The following FBXO31 variants were observed in gnomAD, a reference collection of about 807,000 sequenced individuals.
The protein encoded by FBXO31 is F-box protein 31.
Under a neutral mutation model 54.4 loss-of-function variants are expected in FBXO31, and 24 were observed. The ratio of observed to expected loss-of-function variants is 0.44; its 90% confidence interval spans 0.32 to 0.62. The LOEUF is 0.62. FBXO31 is among the 20% of genes least tolerant of loss of function. The pLI, the probability that FBXO31 is intolerant of heterozygous loss-of-function variation, is 0.05. For missense variants in FBXO31, 665 were observed against 787.1 expected, an observed-to-expected ratio of 0.84 and a Z score of 1.86; for synonymous variants, 388 against 335.6, an observed-to-expected ratio of 1.16 and a Z score of -1.71.
chr16:87,372,617 G>A (rs1219741897), intron 1 of FBXO31, among the ~76,000 whole-genome samples: 3 of 152,156 alleles, frequency 2.0e-5, no homozygotes, highest in Non-Finnish European at 2.9e-5. Context: ...CTGGAGTGCA[G>A]TGGTAAGATC....
intron 5 of FBXO31, among the ~76,000 whole-genome samples, chr16:87,339,030 T>C (rs1905115267): frequency 6.6e-6 from 1 of 152,228 alleles, no homozygotes; most frequent in Non-Finnish European, 1.5e-5. Context: ...AAGATGCGCC[T>C]TTCGCCTTCC....
chr16:87,336,330 G>A lies in FBXO31; in HGVS notation c.733-66C>T, dbSNP rs1853451646. The A allele has an allele frequency of 7.1e-7, 1 of 1,415,096 alleles. No individual in the cohort carries two copies. Among genetic ancestry groups the A allele is most frequent in the African/African-American group, 1.4e-5 (1 of 71,402 alleles). 87.7% of individuals were successfully genotyped at this position (1,415,096 alleles called of 1,614,324 possible). Reference sequence around the variant, plus strand: ...AGGCTGTGAAGAGGCTGCCGGCTGTGCCGCTGAGAGGACACAGTGTGTCCT... The same window carrying A: ...AGGCTGTGAAGAGGCTGCCGGCTGTACCGCTGAGAGGACACAGTGTGTCCT... On this transcript the variant is annotated intron_variant, in intron 5 of 8. Coordinates refer to ENST00000311635, the MANE Select transcript of FBXO31 (RefSeq NM_024735.5). The surrounding 1 kb of genome is among the most constrained non-coding windows in gnomAD (Gnocchi z 6.5).
chr16:87,361,293 A>G lies in FBXO31; in HGVS notation c.341-927T>C, dbSNP rs116638119. Among the ~76,000 whole-genome samples the G allele has an allele frequency of 9.0e-3, 1,376 of 152,350 alleles. 16 individuals carry two copies. Among genetic ancestry groups the G allele is most frequent in the African/African-American group, 0.031 (1,273 of 41,580 alleles). On this transcript the variant is annotated intron_variant, in intron 1 of 8. Transcript: ENST00000311635. ...GAGAAAACAAGTGCAGAGAGGTGAC[A>G]TGACTCCACAAAGGACCTGGAGCTT... is the stretch of plus-strand genomic sequence containing the variant.
upstream of FBXO31, among the ~76,000 whole-genome samples, chr16:87,386,363 A>T (rs1311219349): frequency 1.3e-5 from 2 of 152,266 alleles, no homozygotes; most frequent in Non-Finnish European, 2.9e-5. Flanking sequence ...CTCAGGCTTC[A>T]GTGAGCAGCG....
Position 87,375,586 on chromosome 16 carries a change from G to C in FBXO31, c.340+7819C>G, listed in dbSNP as rs954174023. ...AAAGGGCAACGACTAACCAAAACAAGCCCAGGCAGGGCCACGGCAAGAGAG... is the reference window on the plus strand; with the variant it reads ...AAAGGGCAACGACTAACCAAAACAACCCCAGGCAGGGCCACGGCAAGAGAG... On this transcript the variant is annotated intron_variant, in intron 1 of 8. Coordinates refer to ENST00000311635, the MANE Select transcript of FBXO31 (RefSeq NM_024735.5). Among the ~76,000 whole-genome samples, 32 of 152,170 alleles carry C rather than the reference G, an allele frequency of 2.1e-4. 1 individual carries two copies. The highest frequency in any genetic ancestry group is 7.5e-4 in the African/African-American group (31 of 41,440).
At position 87,343,650 on chromosome 16, in the gene FBXO31, G is replaced by A. The variant is rs755216194; in HGVS notation, c.605C>T (p.Ala202Val). Residue 202 changes from alanine (A) to valine (V), a missense_variant, in exon 4 of 9, where the codon GCC becomes GTC. Ala to Val is a moderately conservative substitution (Grantham distance 64). This residue lies in a region of FBXO31 where 234 missense variants were observed against 346.8 expected (regional missense o/e 0.67). Transcript: ENST00000311635. ...FRIHLMERKA[A>V]TVECMYGHKG... Reference sequence around the variant, plus strand: ...GTGGCCGTACATGCACTCCACTGTGGCAGCCTTCCTCTCCATCAGGTGGAT... The same window carrying A: ...GTGGCCGTACATGCACTCCACTGTGACAGCCTTCCTCTCCATCAGGTGGAT... 3.1e-6 allele frequency: 5 copies of A among 1,613,982 alleles called. No homozygotes were observed. The East Asian group carries it at 1.1e-4, about 36-fold the overall frequency.
At chr16:87,383,898 C>T (rs575137763), upstream of FBXO31, 8 of 477,374 alleles carry the variant, frequency 1.7e-5, no homozygotes, top group South Asian at 6.9e-4. This position sits in a 1 kb window ranked among gnomAD's most constrained non-coding sequence, Gnocchi z 4.9. Context: ...GGCCGCGCCA[C>T]CCCCTCCCCG....
At chr16:87,343,400 T>C (rs1361037566) in intron 4 of FBXO31, among the ~76,000 whole-genome samples, 198 bp downstream of exon 4, 1 of 152,092 alleles carries the variant, frequency 6.6e-6, no homozygotes, top group African/African-American at 2.4e-5. Flanking sequence ...TCAAGAGGGG[T>C]CCAGCAAGTG....
At chr16:87,377,956 G>A (rs541319386) in intron 1 of FBXO31, among the ~76,000 whole-genome samples, 2 of 151,938 alleles carry the variant, frequency 1.3e-5, no homozygotes, top group South Asian at 2.1e-4. Context: ...TTGGGAGTTC[G>A]AGACCAGCCT....
chr16:87,372,262 T>C (rs1274222207), intron 1 of FBXO31, among the ~76,000 whole-genome samples: 2 of 152,176 alleles, frequency 1.3e-5, no homozygotes, highest in Admixed American at 6.5e-5. Context: ...TTATTCTCCT[T>C]GTGCTTTGCT....
intron 3 of FBXO31, 108 bp downstream of exon 3, chr16:87,347,066 G>A (rs919600962): frequency 1.7e-5 from 16 of 968,710 alleles, no homozygotes; most frequent in African/African-American, 8.1e-5. Context: ...TACCTCAAAC[G>A]CACATCTGGG....
chr16:87,334,829 T>C (rs886905863), intron 7 of FBXO31, among the ~76,000 whole-genome samples: 2 of 152,200 alleles, frequency 1.3e-5, no homozygotes, highest in Non-Finnish European at 2.9e-5. Flanking sequence ...AATGAGCCCC[T>C]GTTCACTGCT....
At chr16:87,354,288 C>G (rs1412471336) in intron 2 of FBXO31, among the ~76,000 whole-genome samples, 1 of 151,910 alleles carries the variant, frequency 6.6e-6, no homozygotes, top group Admixed American at 6.6e-5. Context: ...GCCTGGGTAA[C>G]ATAGGGAGCC....
At chr16:87,390,469 T>G (rs1198633405), upstream of FBXO31, among the ~76,000 whole-genome samples, 1 of 151,670 alleles carries the variant, frequency 6.6e-6, no homozygotes, top group East Asian at 1.9e-4. Flanking sequence ...GAGATGGAGT[T>G]TCGCTCTTTC....
At chr16:87,348,962 C>T (rs770278703) in intron 2 of FBXO31, among the ~76,000 whole-genome samples, 1 of 152,198 alleles carries the variant, frequency 6.6e-6, no homozygotes, top group Non-Finnish European at 1.5e-5. Context: ...GCAGACCAAG[C>T]CTCGGCAGCA....
intron 2 of FBXO31, among the ~76,000 whole-genome samples, chr16:87,349,518 T>A (rs1436119120): frequency 6.6e-6 from 1 of 152,088 alleles, no homozygotes; most frequent in African/African-American, 2.4e-5. Context: ...GAGACCAGCC[T>A]GGCCAACATG....
chr16:87,381,936 T>C (rs1486118892), intron 1 of FBXO31, among the ~76,000 whole-genome samples: 1 of 151,388 alleles, frequency 6.6e-6, no homozygotes, highest in East Asian at 1.9e-4. Flanking sequence ...TGCGGGAGAA[T>C]CACTTGAACC....
rs1337181878 is a variant in FBXO31 at position 87,337,524 on chromosome 16, G to C, written c.733-1260C>G. 2.6e-5 allele frequency among the ~76,000 whole-genome samples: 4 copies of C among 152,344 alleles called. No homozygotes were observed. In the East Asian group the frequency reaches 7.7e-4, roughly 29 times the overall value. On this transcript the variant is annotated intron_variant, in intron 5 of 8. Transcript: ENST00000311635. Reference sequence around the variant, plus strand: ...AAACGGGAGGACCAGGCTGCTCTCAGGACTTGCCCAGTATAAGCTCCCGTC... The same window carrying C: ...AAACGGGAGGACCAGGCTGCTCTCACGACTTGCCCAGTATAAGCTCCCGTC...
chr16:87,361,686 C>G (rs532792335), intron 1 of FBXO31, among the ~76,000 whole-genome samples: 1 of 152,228 alleles, frequency 6.6e-6, no homozygotes, highest in Non-Finnish European at 1.5e-5. Context: ...GGCCTCATCC[C>G]TTCTTTTCAA....
Sources: allele counts gnomAD v4.1 joint callset (sites outside exome capture counted in the v4.1 genomes callset), GRCh38; gene constraint gnomAD v4.1.1; regional missense constraint gnomAD v4.1.1; non-coding constraint Gnocchi (gnomAD v3.1); transcripts MANE v1.5; gene names NCBI Gene and HGNC (gene_info 2026-07-23, HGNC 2026-07-21).